The following HOMER2 variants were observed in gnomAD, a reference collection of about 807,000 sequenced individuals.
HOMER2 encodes the protein homer scaffold protein 2.
HOMER2 carries 27 observed loss-of-function variants against 47.0 expected under a neutral mutation model. That is an observed-to-expected ratio of 0.57 (90% CI 0.42 to 0.79). The LOEUF (loss-of-function observed/expected upper bound fraction) is 0.79. HOMER2 is among the 30% of genes least tolerant of loss of function. The pLI is 0.00. For missense variants in HOMER2, 443 were observed against 435.0 expected (o/e 1.02, Z -0.16); for synonymous variants, 161 against 163.8 (o/e 0.98, Z 0.13).
intron 1 of HOMER2, among the ~76,000 whole-genome samples, chr15:82,985,353 T>A (rs2151267385): frequency 6.6e-6 from 1 of 152,286 alleles, no homozygotes; most frequent in African/African-American, 2.4e-5. Flanking sequence ...TAAGATAGGC[T>A]AGTAGCAGAG....
chr15:82,871,698 C>T (rs1006412165), intron 3 of HOMER2, among the ~76,000 whole-genome samples: 1 of 152,214 alleles, frequency 6.6e-6, no homozygotes. Flanking sequence ...CTTGGCAGGA[C>T]GGTGCACTCC....
chr15:82,837,934 G>A (rs1281437883), exon 2 of HOMER2: 1 of 152,274 alleles, frequency 6.6e-6, no homozygotes, highest in Non-Finnish European at 1.5e-5. Flanking sequence ...AGAGGCACAA[G>A]TCCCCCTCCC....
chr15:82,859,284 G>A, intron 4 of HOMER2, 149 bp from the exon 5 acceptor site: 14 of 1,028,872 alleles, frequency 1.4e-5, no homozygotes, highest in East Asian at 7.6e-5. Flanking sequence ...CCAGAATGCA[G>A]CAAAGACTAA....
chr15:82,848,608 C>T (rs1247071241), downstream of HOMER2, among the ~76,000 whole-genome samples: 1 of 152,192 alleles, frequency 6.6e-6, no homozygotes, highest in Non-Finnish European at 1.5e-5. Flanking sequence ...CTGAGCTGCT[C>T]TCTCCCCCCG....
chr15:82,841,310 A>G lies in HOMER2; in HGVS notation c.*5964T>C, dbSNP rs77018586. ...ATGTCTTAACATTAGCAAATCTATTAAAACGATTCATCTAAAGTCATAATA... is the reference window on the plus strand; with the variant it reads ...ATGTCTTAACATTAGCAAATCTATTGAAACGATTCATCTAAAGTCATAATA... On this transcript the variant is annotated 3_prime_UTR_variant, in exon 2 of 2. Transcript: ENST00000558090. The G allele has an allele frequency of 6.6e-5, 10 of 152,308 alleles. No homozygotes were observed. The East Asian group carries it at 1.9e-3, about 29-fold the overall frequency. 9.4% of individuals were successfully genotyped at this position (152,308 alleles called of 1,614,324 possible). A position where few individuals can be genotyped will look rare whatever the true frequency, so the allele number is the denominator to read the frequency against.
At chr15:82,983,494 C>T (rs1381472678) in intron 1 of HOMER2, among the ~76,000 whole-genome samples, 1 of 152,154 alleles carries the variant, frequency 6.6e-6, no homozygotes, top group Non-Finnish European at 1.5e-5. Flanking sequence ...GCTCTGAGTT[C>T]ATTTTTCCCT....
At chr15:82,954,631 T>C (rs1176278054), upstream of HOMER2, among the ~76,000 whole-genome samples, 2 of 151,854 alleles carry the variant, frequency 1.3e-5, no homozygotes, top group South Asian at 2.1e-4. Flanking sequence ...GTAAGAAATA[T>C]ATTTTACACT....
rs1404499626 is a variant in HOMER2, at chr15:82,875,358, G to A, written c.209C>T (p.Thr70Met). The A allele has an allele frequency of 1.2e-6, 2 of 1,613,942 alleles. No individual in the cohort carries two copies. The highest frequency in any genetic ancestry group is 1.7e-5 in the Admixed American group (1 of 60,022). The change falls in exon 3 of 9, where the codon ACG (threonine) becomes ATG (methionine). Residue 70 changes from threonine to methionine, a missense_variant. By Grantham distance (81) the Thr-to-Met change is moderately conservative. Coordinates refer to ENST00000450735, the MANE Select transcript of HOMER2 (RefSeq NM_004839.4). ...GGCCCACTGCCCAAACTTCTGTGAC[G>A]TTTTGGTGAAGGTCATATTCGGTGT... ...TITPNMTFTK[T>M]SQKFGQWADS...
At chr15:82,930,256 A>G (rs4843153) in intron 1 of HOMER2, among the ~76,000 whole-genome samples, 1 of 152,214 alleles carries the variant, frequency 6.6e-6, no homozygotes, top group South Asian at 2.1e-4. Context: ...TAGTTTATCC[A>G]TAAAATGTGA....
intron 3 of HOMER2, among the ~76,000 whole-genome samples, chr15:82,873,188 T>A (rs1186257270): frequency 6.6e-6 from 1 of 152,104 alleles, no homozygotes. Flanking sequence ...GTCAACACAG[T>A]GACCCACGCC....
intron 1 of HOMER2, among the ~76,000 whole-genome samples, chr15:82,945,745 C>T (rs1286397397): frequency 6.6e-6 from 1 of 151,792 alleles, no homozygotes; most frequent in Non-Finnish European, 1.5e-5. Flanking sequence ...CCAAGGCGGG[C>T]AAATCACGAG....
chr15:82,877,354 G>A (rs189717525), intron 2 of HOMER2, among the ~76,000 whole-genome samples: 10 of 152,246 alleles, frequency 6.6e-5, no homozygotes, highest in African/African-American at 2.4e-4. Context: ...ATTTTTAGTA[G>A]AGAAGGGGCT....
chr15:82,880,419 G>A (rs1245951348), intron 2 of HOMER2, among the ~76,000 whole-genome samples: 1 of 152,214 alleles, frequency 6.6e-6, no homozygotes, highest in Non-Finnish European at 1.5e-5. Context: ...GAGTGGATGG[G>A]AGAGCATCTA....
At chr15:82,941,832 G>A (rs2054274334) in intron 1 of HOMER2, among the ~76,000 whole-genome samples, 1 of 152,084 alleles carries the variant, frequency 6.6e-6, no homozygotes, top group African/African-American at 2.4e-5. Flanking sequence ...ATCAACATGT[G>A]TGTTTCATTC....
chr15:82,863,219 T>G (rs549861307), intron 4 of HOMER2, among the ~76,000 whole-genome samples: 1 of 152,034 alleles, frequency 6.6e-6, no homozygotes, highest in African/African-American at 2.4e-5. Context: ...GGCCCAGCTA[T>G]TCTCTCCTTC....
chr15:82,845,469 A>G (rs1045060447), downstream of HOMER2: 6 of 152,226 alleles, frequency 3.9e-5, no homozygotes, highest in Non-Finnish European at 7.3e-5. Flanking sequence ...CATCTCCAGA[A>G]TATATACTGT....
chr15:82,938,853 A>C (rs182560432), intron 1 of HOMER2, among the ~76,000 whole-genome samples: 1 of 152,180 alleles, frequency 6.6e-6, no homozygotes, highest in Admixed American at 6.5e-5. Flanking sequence ...ACCCTGTTGA[A>C]GATGCTCCCC....
At chr15:82,928,959 A>AAAAAAAAAAAAAAAAAAAAAAAC (rs1173356706) in intron 1 of HOMER2, among the ~76,000 whole-genome samples, 1 of 148,964 alleles carries the variant, frequency 6.7e-6, no homozygotes. Context: ...AAAAAAAAAA[A>AAAAAAAAAAAAAAAAAAAAAAAC]AGCTGTCATG....
chr15:82,919,894 T>C (rs755445303), intron 1 of HOMER2, among the ~76,000 whole-genome samples: 2 of 152,238 alleles, frequency 1.3e-5, no homozygotes, highest in African/African-American at 4.8e-5. Context: ...ATTTGAAACA[T>C]GACATGCTTG....
Sources: allele counts gnomAD v4.1 joint callset (sites outside exome capture counted in the v4.1 genomes callset), GRCh38; gene constraint gnomAD v4.1.1; transcripts MANE v1.5; gene names NCBI Gene and HGNC (gene_info 2026-07-23, HGNC 2026-07-21).